The following ANXA9 variants were observed in gnomAD, a reference collection of about 807,000 sequenced individuals.
ANXA9 encodes annexin A9.
A neutral mutation model predicts 51.8 loss-of-function variants in ANXA9; 47 were observed. The ratio of observed to expected loss-of-function variants is 0.91; its 90% CI spans 0.72 to 1.16. The LOEUF (loss-of-function observed/expected upper bound fraction) is 1.16, where lower values mean the gene tolerates loss of function less well. ANXA9 is among the 50% of genes most tolerant of loss of function. The probability of loss-of-function intolerance (pLI) is 0.00; values close to 1 mark genes in which losing one functional copy is unlikely to be tolerated. For synonymous variants in ANXA9, 154 were observed against 168.7 expected, an observed-to-expected ratio of 0.91 and a Z score of 0.68; for missense variants, 361 against 424.7, an observed-to-expected ratio of 0.85 and a Z score of 1.32.
intron 12 of ANXA9, among the ~76,000 whole-genome samples, chr1:150,994,338 G>T (rs756982404): frequency 6.6e-6 from 1 of 152,148 alleles, no homozygotes; most frequent in Non-Finnish European, 1.5e-5. Context: ...GGGCAGGAAA[G>T]ACATGTGGAA....
chr1:150,987,820 C>A (rs1571691464), intron 9 of ANXA9, 52 bp from the exon 10 acceptor site: 12 of 1,495,054 alleles, frequency 8.0e-6, no homozygotes, highest in Non-Finnish European at 1.1e-5. Flanking sequence ...GCTCCCTAGG[C>A]CCCAACCAAT....
intron 12 of ANXA9, among the ~76,000 whole-genome samples, 194 bp downstream of exon 12, chr1:150,988,535 CAG>C (rs1671624878): frequency 6.6e-6 from 1 of 152,160 alleles, no homozygotes; most frequent in East Asian, 1.9e-4. Context: ...AGTTGGCTCC[CAG>C]GGGCCCTGAA....
intron 12 of ANXA9, among the ~76,000 whole-genome samples, chr1:150,990,197 A>G (rs890532822): frequency 2.7e-5 from 4 of 148,176 alleles, no homozygotes; most frequent in Non-Finnish European, 4.4e-5. Flanking sequence ...TCTAGTCCCA[A>G]CTACTCAGGA....
intron 12 of ANXA9, among the ~76,000 whole-genome samples, chr1:150,991,074 C>T (rs1671685966): frequency 2.7e-5 from 4 of 150,506 alleles, no homozygotes; most frequent in Non-Finnish European, 3.0e-5. Context: ...ACCCAGGAGG[C>T]GGAGCTTGCA....
At position 150,984,314 on chromosome 1, in the gene ANXA9, G is replaced by A. The variant is rs191544976; in HGVS notation, c.301G>A (p.Gly101Ser). Reference sequence around the variant, plus strand: ...GAAGTCTCTACAGGCAGCACTTTCCGGCAACCTGGAGAGGATTGTGATGGC... The same window carrying A: ...GAAGTCTCTACAGGCAGCACTTTCCAGCAACCTGGAGAGGATTGTGATGGC... ...LMKSLQAALS[G>S]NLERIVMALL... The change falls in exon 6 of 14, where the codon GGC becomes AGC. Residue 101 changes from glycine (G) to serine (S), a missense_variant. Gly to Ser is a moderately conservative substitution (Grantham distance 56). Transcript: ENST00000368947. The A allele has an allele frequency of 3.1e-5, 50 of 1,614,062 alleles. No individual in the cohort carries two copies. Among genetic ancestry groups the A allele is most frequent in the South Asian group, 8.8e-5 (8 of 91,078 alleles).
intron 12 of ANXA9, among the ~76,000 whole-genome samples, chr1:150,993,527 C>T (rs1035361025): frequency 6.6e-6 from 1 of 151,694 alleles, no homozygotes; most frequent in African/African-American, 2.4e-5. Flanking sequence ...CCAGGCTGGT[C>T]TCGAACTCCT....
chr1:150,981,528 CT>C (rs1671416093), upstream of ANXA9, among the ~76,000 whole-genome samples: 2 of 152,330 alleles, frequency 1.3e-5, no homozygotes, highest in South Asian at 4.1e-4. Context: ...AGTCCAGCTG[CT>C]GGGGTTGCAT....
chr1:150,984,313 C>T lies in ANXA9; in HGVS notation c.300C>T (p.Ser100=), dbSNP rs766387608. The change falls in exon 6 of 14, where the codon TCC becomes TCT. Residue 100 remains serine (S), a synonymous_variant. Transcript: ENST00000368947. ...TGAAGTCTCTACAGGCAGCACTTTC[C>T]GGCAACCTGGAGAGGATTGTGATGG... ...DLMKSLQAAL[S]GNLERIVMAL... is the part of the protein sequence containing the mutation. 47 of 1,614,036 alleles carry T rather than the reference C, an allele frequency of 2.9e-5. No homozygotes were observed. The highest frequency in any genetic ancestry group is 1.2e-4 in the Admixed American group (7 of 60,000).
chr1:150,984,982 G>A (rs1424847517), intron 7 of ANXA9, among the ~76,000 whole-genome samples: 2 of 151,826 alleles, frequency 1.3e-5, no homozygotes, highest in Non-Finnish European at 2.9e-5. Context: ...AGGCAATAAA[G>A]GAAAACCTCA....
At chr1:150,978,197 G>A (rs961729857), upstream of ANXA9, among the ~76,000 whole-genome samples, 7 of 152,102 alleles carry the variant, frequency 4.6e-5, no homozygotes, top group East Asian at 5.8e-4. Context: ...TTGGGAGGCC[G>A]AGGTGGGCGG....
chr1:150,994,524 A>G (rs1197040659), intron 12 of ANXA9, 53 bp from the exon 13 acceptor site: 24 of 1,605,046 alleles, frequency 1.5e-5, no homozygotes, highest in Non-Finnish European at 1.9e-5. Context: ...TTCAACCCCT[A>G]CTCTCAGTGA....
At chr1:150,983,303 C>G (rs1229855145) in intron 3 of ANXA9, 35 bp from the exon 4 acceptor site, 2 of 1,609,062 alleles carry the variant, frequency 1.2e-6, no homozygotes, top group East Asian at 4.5e-5. Context: ...GGCAGCCTGG[C>G]CCTGGCCCTT....
chr1:150,990,736 T>C (rs1051981025), intron 12 of ANXA9, among the ~76,000 whole-genome samples: 7 of 152,012 alleles, frequency 4.6e-5, no homozygotes, highest in African/African-American at 1.7e-4. Context: ...TAATCTCAGC[T>C]ACTTGGGAGG....
rs1214237962 is a variant in ANXA9 at position 150,988,111 on chromosome 1, A to G, written c.718A>G (p.Ser240Gly). 6.2e-7 allele frequency: 1 copy of G among 1,614,188 alleles called. No individual in the cohort carries two copies. Among genetic ancestry groups the G allele is most frequent in the South Asian group, 1.1e-5 (1 of 91,088 alleles). Residue 240 changes from serine to glycine, a missense_variant, in exon 11 of 14, where the codon AGC becomes GGC. Transcript: ENST00000368947. The part of the protein sequence containing the change: ...LIRVFDQYQR[S>G]TGQELEEAVQ... Reference sequence around the variant, plus strand: ...ACAAGTGTTTGATCAGTACCAGCGGAGCACTGGGCAAGAGCTGGAGGAGGC... The same window carrying G: ...ACAAGTGTTTGATCAGTACCAGCGGGGCACTGGGCAAGAGCTGGAGGAGGC...
chr1:150,985,669 C>T (rs1414704180), intron 7 of ANXA9, among the ~76,000 whole-genome samples: 2 of 152,292 alleles, frequency 1.3e-5, no homozygotes, highest in South Asian at 4.1e-4. Flanking sequence ...TGGGCTCAAT[C>T]AGTCCTCCCA....
rs1402181868 is a variant in ANXA9 at position 150,986,606 on chromosome 1, G to C, written c.557G>C (p.Gly186Ala). 11 of 1,607,934 alleles carry C rather than the reference G, an allele frequency of 6.8e-6. 1 individual carries two copies. The Admixed American group carries it at 8.7e-5, about 13-fold the overall frequency. The change falls in exon 9 of 14, where the codon GGC becomes GCC. Residue 186 changes from glycine to alanine, a missense_variant. Physicochemically the swap from Gly to Ala is moderately conservative, Grantham distance 60. Transcript: ENST00000368947. The part of the protein sequence containing the change: ...QDLLLALAKG[G>A]RDSYSGIIDY... ...AAGAACAGTTTCTCCTCCTAGGGGG[G>C]CCGTGACAGCTACTCTGGAATCATT...
Position 150,995,385 on chromosome 1 carries a change from T to G in ANXA9, c.*63T>G. ...TGAGATTTCCGTGTTTGGCTGAACC[T>G]GGGAGACCAGCTGGGCCTCCAAGTA... On this transcript the variant is annotated 3_prime_UTR_variant, in exon 14 of 14. Coordinates refer to ENST00000368947, the MANE Select transcript of ANXA9 (RefSeq NM_003568.3). 1 of 1,510,020 alleles carries G rather than the reference T, an allele frequency of 6.6e-7. No individual in the cohort carries two copies. The highest frequency in any genetic ancestry group is 1.2e-5 in the South Asian group (1 of 80,756). The allele number at this position is 1,510,020 out of a possible 1,614,324, so 93.5% of individuals were successfully genotyped here.
At position 150,983,090 on chromosome 1, in the gene ANXA9, G is replaced by A; in HGVS notation, c.-16G>A. 1 of 1,612,858 alleles carries A rather than the reference G, an allele frequency of 6.2e-7. No individual in the cohort carries two copies. Among genetic ancestry groups the A allele is most frequent in the Non-Finnish European group, 8.5e-7 (1 of 1,179,324 alleles). ...TGTGGGCTCCTGTTTCCTTCCCCAGGGCAACCAGTAGCACCATGTCTGTGA... is the reference window on the plus strand; with the variant it reads ...TGTGGGCTCCTGTTTCCTTCCCCAGAGCAACCAGTAGCACCATGTCTGTGA... On this transcript the variant is annotated splice_region_variant and 5_prime_UTR_variant, in exon 3 of 14. Transcript: ENST00000368947.
At chr1:150,984,448 C>A (rs1571687788) in intron 6 of ANXA9, 54 bp downstream of exon 6, 2 of 1,590,138 alleles carry the variant, frequency 1.3e-6, no homozygotes, top group East Asian at 4.5e-5. Flanking sequence ...AGGCTGTCAG[C>A]CTTGCTTTTG....
Sources: allele counts gnomAD v4.1 joint callset (sites outside exome capture counted in the v4.1 genomes callset), GRCh38; gene constraint gnomAD v4.1.1; transcripts MANE v1.5; gene names NCBI Gene and HGNC (gene_info 2026-07-23, HGNC 2026-07-21).